The following TMEM117 variants were observed in gnomAD, a reference collection of about 807,000 sequenced individuals.
The protein encoded by TMEM117 is transmembrane protein 117.
A neutral mutation model predicts 52.4 loss-of-function variants in TMEM117; 27 were observed. The ratio of observed to expected loss-of-function variants is 0.51; its 90% CI spans 0.38 to 0.71. TMEM117 has a LOEUF of 0.71. TMEM117 is among the 30% of genes least tolerant of loss of function. The probability of loss-of-function intolerance (pLI) is 0.00; values close to 1 mark genes in which losing one functional copy is unlikely to be tolerated. For missense variants in TMEM117, 556 were observed against 630.5 expected, an observed-to-expected ratio of 0.88 and a Z score of 1.26; for synonymous variants, 215 against 206.3, an observed-to-expected ratio of 1.04 and a Z score of -0.36.
At chr12:43,961,452 G>C (rs1434078801) in intron 3 of TMEM117, among the ~76,000 whole-genome samples, 2 of 152,134 alleles carry the variant, frequency 1.3e-5, no homozygotes, top group Non-Finnish European at 2.9e-5. Context: ...AGTACTTAAT[G>C]TGTAATCTTA....
chr12:44,303,268 C>T lies in TMEM117; in HGVS notation c.768+3529C>T, dbSNP rs910649549. The stretch of plus-strand genomic sequence containing the variant: ...TTCTCTATGTTGGTCAGGCTGGTCC[C>T]GAACTCCCAACCTCAGGTGATCCGC... On this transcript the variant is annotated intron_variant, in intron 6 of 7. Coordinates refer to ENST00000266534, the MANE Select transcript of TMEM117 (RefSeq NM_032256.3). Among the ~76,000 whole-genome samples, 10 of 152,002 alleles carry T rather than the reference C, an allele frequency of 6.6e-5. No individual in the cohort carries two copies. The East Asian group carries it at 9.7e-4, about 15-fold the overall frequency.
At chr12:44,091,372 T>G (rs888436195) in intron 3 of TMEM117, among the ~76,000 whole-genome samples, 3 of 152,156 alleles carry the variant, frequency 2.0e-5, no homozygotes, top group African/African-American at 4.8e-5. Context: ...GGCAGAATGA[T>G]TAGGATGAGG....
intron 3 of TMEM117, among the ~76,000 whole-genome samples, chr12:44,055,946 C>T (rs972824648): frequency 6.6e-6 from 1 of 151,918 alleles, no homozygotes; most frequent in Non-Finnish European, 1.5e-5. Context: ...GCTTTTTATT[C>T]TTTTAAACAC....
At chr12:44,212,671 G>A (rs553621954) in intron 5 of TMEM117, among the ~76,000 whole-genome samples, 134 of 152,108 alleles carry the variant, frequency 8.8e-4, no homozygotes, top group African/African-American at 2.7e-3. Flanking sequence ...TGGAATGTAC[G>A]CCCACCAGAT....
At chr12:44,200,929 A>G (rs1214976291) in intron 4 of TMEM117, among the ~76,000 whole-genome samples, 1 of 152,190 alleles carries the variant, frequency 6.6e-6, no homozygotes, top group African/African-American at 2.4e-5. Context: ...TCAGATGTCA[A>G]TCAGTCCCAA....
chr12:44,073,093 A>C (rs546398306), intron 3 of TMEM117, among the ~76,000 whole-genome samples: 67 of 144,048 alleles, frequency 4.7e-4, no homozygotes, highest in African/African-American at 1.3e-3. Context: ...TCCCCTGCCC[A>C]AAAAAAAAAA....
intron 3 of TMEM117, among the ~76,000 whole-genome samples, chr12:43,953,495 G>C (rs1240999072): frequency 6.6e-6 from 1 of 152,128 alleles, no homozygotes; most frequent in East Asian, 1.9e-4. Flanking sequence ...AGCAGGAGTT[G>C]CAATCCTAGC....
At chr12:43,970,726 T>C (rs1945570061) in intron 3 of TMEM117, among the ~76,000 whole-genome samples, 1 of 152,282 alleles carries the variant, frequency 6.6e-6, no homozygotes, top group Non-Finnish European at 1.5e-5. Context: ...CGGGCGTCCA[T>C]TGGTGGACAA....
chr12:43,919,349 T>C (rs950140312), intron 2 of TMEM117, among the ~76,000 whole-genome samples: 4 of 152,172 alleles, frequency 2.6e-5, no homozygotes, highest in Non-Finnish European at 4.4e-5. Context: ...TTCTGTGCAT[T>C]TGACTGTTGT....
chr12:44,123,824 T>C (rs1948277643), intron 3 of TMEM117, among the ~76,000 whole-genome samples: 1 of 152,216 alleles, frequency 6.6e-6, no homozygotes, highest in African/African-American at 2.4e-5. Context: ...TAGTTTGAAG[T>C]CAGGTAGCGT....
intron 2 of TMEM117, among the ~76,000 whole-genome samples, chr12:43,882,073 A>G (rs1191413787): frequency 6.6e-6 from 1 of 151,914 alleles, no homozygotes; most frequent in South Asian, 2.1e-4. Flanking sequence ...CTCCGTCTCA[A>G]AAAAAACAAA....
chr12:44,015,051 T>A (rs1946352922), intron 3 of TMEM117, among the ~76,000 whole-genome samples: 2 of 152,194 alleles, frequency 1.3e-5, no homozygotes, highest in East Asian at 3.9e-4. Flanking sequence ...AAATGGTGGC[T>A]ACAGTAATAA....
rs143791829 is a variant in TMEM117, at chr12:43,937,779, T to C, written c.278-6431T>C. On this transcript the variant is annotated intron_variant, in intron 2 of 7. Transcript: ENST00000266534. The stretch of plus-strand genomic sequence containing the variant: ...TGGACAAATAACTTAAGACATACTG[T>C]GTGCCAGGTACTATGCCATGAGGAC... Among the ~76,000 whole-genome samples, 283 of 152,276 alleles carry C rather than the reference T, an allele frequency of 1.9e-3. 1 individual carries two copies. The highest frequency in any genetic ancestry group is 6.2e-3 in the African/African-American group (257 of 41,558).
At chr12:43,851,052 C>T (rs1675765) in intron 2 of TMEM117, among the ~76,000 whole-genome samples, 46,512 of 152,018 alleles carry the variant, frequency 0.31, 11,434 homozygotes, top group African/African-American at 0.68. Context: ...AGATACCAAA[C>T]ACAGATATTA....
intron 5 of TMEM117, among the ~76,000 whole-genome samples, chr12:44,228,869 G>A (rs939575394): frequency 2.0e-5 from 3 of 152,150 alleles, no homozygotes; most frequent in African/African-American, 7.2e-5. Context: ...GCCACACACA[G>A]GGTGTAGCAG....
chr12:44,246,217 G>C (rs1196446377), intron 5 of TMEM117, among the ~76,000 whole-genome samples: 1 of 152,056 alleles, frequency 6.6e-6, no homozygotes, highest in African/African-American at 2.4e-5. Flanking sequence ...ATATATGTTT[G>C]TAAAAGATCT....
At chr12:44,147,248 G>T (rs1176650833) in intron 4 of TMEM117, among the ~76,000 whole-genome samples, 1 of 152,040 alleles carries the variant, frequency 6.6e-6, no homozygotes, top group African/African-American at 2.4e-5. Context: ...AACAACATGG[G>T]GTGTCTCACG....
chr12:44,350,450 A>G lies in TMEM117; in HGVS notation c.769-26145A>G, dbSNP rs149268928. Among the ~76,000 whole-genome samples the G allele has an allele frequency of 2.0e-3, 306 of 152,120 alleles. 4 individuals are homozygous for G. Among genetic ancestry groups the G allele is most frequent in the African/African-American group, 6.6e-3 (274 of 41,540 alleles). ...AGGTACAATTAAATTATTATTGACT[A>G]TAATTACCCTGTTTTGCTGTCAAAC... On this transcript the variant is annotated intron_variant, in intron 6 of 7. Transcript: ENST00000266534.
intron 3 of TMEM117, among the ~76,000 whole-genome samples, chr12:44,042,539 A>G (rs1946816037): frequency 6.6e-6 from 1 of 152,072 alleles, no homozygotes; most frequent in Non-Finnish European, 1.5e-5. Flanking sequence ...GGCACCATCT[A>G]ATCAGCATCC....
Sources: gnomAD v4.1 joint callset for allele counts (sites outside exome capture counted in the v4.1 genomes callset) on GRCh38, gnomAD v4.1.1 for gene constraint, MANE v1.5 for transcripts, NCBI Gene and HGNC (gene_info 2026-07-23, HGNC 2026-07-21) for gene names.